BRWD1: variants seen among roughly 807,000 people sequenced by gnomAD.
The protein encoded by BRWD1 is bromodomain and WD repeat-containing protein 1.
In BRWD1, 82 loss-of-function variants were observed where a neutral mutation model predicts 251.2. That is an observed-to-expected ratio of 0.33 (90% confidence interval 0.27 to 0.39). BRWD1 has a LOEUF of 0.39. BRWD1 is among the 10% of genes least tolerant of loss of function. The probability of loss-of-function intolerance (pLI) is 1.00; values close to 1 mark genes in which losing one functional copy is unlikely to be tolerated. For missense variants in BRWD1, 2,233 were observed against 2,711.6 expected (o/e 0.82, Z 3.92); for synonymous variants, 918 against 902.8 (o/e 1.02, Z -0.30).
rs568327750 is a variant in BRWD1, at chr21:39,286,206, G to A, written c.832-5958C>T. Reference sequence around the variant, plus strand: ...ATGTTGTTTTTATATTATTAGTAGAGATGGGGTTTCACCATGTTAGCCAGG... The same window carrying A: ...ATGTTGTTTTTATATTATTAGTAGAAATGGGGTTTCACCATGTTAGCCAGG... On this transcript the variant is annotated intron_variant, in intron 8 of 40. Transcript: ENST00000342449. Among the ~76,000 whole-genome samples, 15 of 152,080 alleles carry A rather than the reference G, an allele frequency of 9.9e-5. No individual in the cohort carries two copies. The East Asian group carries it at 2.7e-3, about 28-fold the overall frequency.
At chr21:39,276,102 A>G (rs2035272338) in intron 12 of BRWD1, 71 bp downstream of exon 12, 5 of 1,281,568 alleles carry the variant, frequency 3.9e-6, no homozygotes, top group Admixed American at 4.7e-5. Context: ...ATGACAGGTT[A>G]GCTATACTAA....
intron 27 of BRWD1, among the ~76,000 whole-genome samples, chr21:39,226,243 T>C (rs904160696): frequency 2.6e-5 from 4 of 152,190 alleles, no homozygotes; most frequent in East Asian, 1.9e-4. Context: ...GGTAATCTTA[T>C]GTTAAGGCTT....
chr21:39,215,236 C>T lies in BRWD1; in HGVS notation c.3785+1G>A. On this transcript the variant is annotated splice_donor_variant, in intron 32 of 40. Transcript: ENST00000342449. LOFTEE classifies it high-confidence loss of function. Reference sequence around the variant, plus strand: ...TACACAACATCTATGAAATTACTTACTTGATAAATTTTAAAAGTTGGTCAG... The same window carrying T: ...TACACAACATCTATGAAATTACTTATTTGATAAATTTTAAAAGTTGGTCAG... 1 of 1,609,966 alleles carries T rather than the reference C, an allele frequency of 6.2e-7. No individual in the cohort carries two copies. The highest frequency in any genetic ancestry group is 8.5e-7 in the Non-Finnish European group (1 of 1,176,560).
In BRWD1 at chr21:39,188,025, A is replaced by G. The variant is rs1392395213; in HGVS notation, c.*8234T>C. On this transcript the variant is annotated 3_prime_UTR_variant, in exon 41 of 41. Transcript: ENST00000342449. The stretch of plus-strand genomic sequence containing the variant: ...AAGGCAGTTTTTAGAGGGGGCTTGA[A>G]ATCACACTGGAGCTCTACACAGCCA... The G allele has an allele frequency of 1.0e-6, 1 of 980,630 alleles. No individual in the cohort carries two copies. Among genetic ancestry groups the G allele is most frequent in the Non-Finnish European group, 1.2e-6 (1 of 828,070 alleles). The allele number at this position is 980,630 out of a possible 1,614,324, so 60.7% of individuals were successfully genotyped here.
intron 9 of BRWD1, 81 bp from the exon 10 acceptor site, chr21:39,278,894 A>G (rs1361751254): frequency 1.9e-6 from 2 of 1,050,352 alleles, no homozygotes; most frequent in Non-Finnish European, 2.7e-6. Flanking sequence ...TTAATCTAGC[A>G]TATTTAAATA....
chr21:39,195,060 G>A lies in BRWD1; in HGVS notation c.*1199C>T. ...TAGAAAATAAGTGTACTATTTGTGT[G>A]ATAAACTTTCACTTTAAATGGATTA... On this transcript the variant is annotated 3_prime_UTR_variant, in exon 41 of 41. Transcript: ENST00000342449. The A allele has an allele frequency of 7.8e-7, 1 of 1,277,622 alleles. No homozygotes were observed. The highest frequency in any genetic ancestry group is 9.9e-7 in the Non-Finnish European group (1 of 1,011,096). 79.1% of individuals were successfully genotyped at this position (1,277,622 alleles called of 1,614,324 possible). A position where few individuals can be genotyped will look rare whatever the true frequency, so the allele number is the denominator to read the frequency against.
At chr21:39,317,874 C>T (rs1311201956), upstream of BRWD1, among the ~76,000 whole-genome samples, 1 of 152,084 alleles carries the variant, frequency 6.6e-6, no homozygotes, top group Non-Finnish European at 1.5e-5. Context: ...CATAGTGAGA[C>T]CCTCTCTCTA....
At chr21:39,209,603 A>G (rs1257796194) in intron 36 of BRWD1, among the ~76,000 whole-genome samples, 1 of 152,160 alleles carries the variant, frequency 6.6e-6, no homozygotes, top group African/African-American at 2.4e-5. Context: ...CAGTCTCACA[A>G]TCAGATTTTC....
rs755144563 is a variant in BRWD1 at position 39,186,989 on chromosome 21, A to T, written c.*9270T>A. 3.3e-6 allele frequency: 5 copies of T among 1,520,716 alleles called. No homozygotes were observed. In the Middle Eastern group the frequency reaches 1.2e-3, roughly 380 times the overall value. The allele number at this position is 1,520,716 out of a possible 1,614,324, so 94.2% of individuals were successfully genotyped here. A position where few individuals can be genotyped will look rare whatever the true frequency, so the allele number is the denominator to read the frequency against. On this transcript the variant is annotated 3_prime_UTR_variant, in exon 41 of 41. Coordinates refer to ENST00000342449, the MANE Select transcript of BRWD1 (RefSeq NM_033656.4). ...TAACTGCCAGTTTACTTGTGTACCA[A>T]TTGTTTTCAGATGCCACTTCTACAT...
chr21:39,195,966 C>T lies in BRWD1; in HGVS notation c.*293G>A. 1.9e-6 allele frequency: 2 copies of T among 1,059,342 alleles called. No individual in the cohort carries two copies. The highest frequency in any genetic ancestry group is 2.3e-6 in the Non-Finnish European group (2 of 879,018). 65.6% of individuals were successfully genotyped at this position (1,059,342 alleles called of 1,614,324 possible). On this transcript the variant is annotated 3_prime_UTR_variant, in exon 41 of 41. Coordinates refer to ENST00000342449, the MANE Select transcript of BRWD1 (RefSeq NM_033656.4). ...AAGTAATGCTCATTGGTTTTGATAACCAGGATGTCTAGTGTTTAACATATT... is the reference window on the plus strand; with the variant it reads ...AAGTAATGCTCATTGGTTTTGATAATCAGGATGTCTAGTGTTTAACATATT...
rs1444781773 is a variant in BRWD1 at position 39,297,232 on chromosome 21, A to G, written c.350-869T>C. ...ATAACTCAAAGAAGAAAGGGAAGGC[A>G]TCATACTAAACCTCTACTGAGCCTC... On this transcript the variant is annotated intron_variant, in intron 5 of 40. Transcript: ENST00000342449. The G allele has an allele frequency of 6.1e-6, 6 of 985,358 alleles. No homozygotes were observed. In the African/African-American group the frequency reaches 1.0e-4, roughly 17 times the overall value. 61.0% of individuals were successfully genotyped at this position (985,358 alleles called of 1,614,324 possible). A position where few individuals can be genotyped will look rare whatever the true frequency, so the allele number is the denominator to read the frequency against.
intron 35 of BRWD1, among the ~76,000 whole-genome samples, chr21:39,210,556 G>A (rs1237420746): frequency 6.6e-6 from 1 of 152,158 alleles, no homozygotes; most frequent in African/African-American, 2.4e-5. Context: ...CCATCCCACT[G>A]TTATGTAATA....
chr21:39,199,586 ATTG>A lies in BRWD1; in HGVS notation c.4827_4829del (p.Asn1610del). 6.2e-7 allele frequency: 1 copy of A among 1,614,106 alleles called. No homozygotes were observed. The highest frequency in any genetic ancestry group is 1.6e-4 in the Middle Eastern group (1 of 6,062). On this transcript the variant is annotated inframe_deletion, in exon 40 of 41. Coordinates refer to ENST00000342449, the MANE Select transcript of BRWD1 (RefSeq NM_033656.4). ...TTAGAATTTCACCAGTCTCCAATGA[ATTG>A]TTATCAGAATCACTTAAATAGACTC...
At chr21:39,299,938 T>C (rs1441723730) in intron 4 of BRWD1, among the ~76,000 whole-genome samples, 1 of 151,788 alleles carries the variant, frequency 6.6e-6, no homozygotes, top group Non-Finnish European at 1.5e-5. Flanking sequence ...ACCAAGATCA[T>C]GCTATAGCAC....
intron 29 of BRWD1, among the ~76,000 whole-genome samples, chr21:39,219,052 A>AG (rs397777619): frequency 2.0e-5 from 3 of 151,470 alleles, no homozygotes; most frequent in Non-Finnish European, 4.4e-5. Flanking sequence ...AAATGGATAA[A>AG]TAATCCCACA....
At chr21:39,276,344 G>A (rs1213154017) in intron 11 of BRWD1, 131 bp from the exon 12 acceptor site, 2 of 530,788 alleles carry the variant, frequency 3.8e-6, no homozygotes, top group East Asian at 3.2e-5. Context: ...GCTTAGCCCT[G>A]TCATTCAACA....
chr21:39,212,804 C>T, intron 33 of BRWD1, 97 bp from the exon 34 acceptor site: 1 of 850,750 alleles, frequency 1.2e-6, no homozygotes, highest in Non-Finnish European at 1.8e-6. Context: ...TTTGGTATTA[C>T]CAGAGTTATA....
intron 34 of BRWD1, among the ~76,000 whole-genome samples, chr21:39,211,368 T>C (rs978743318): frequency 6.6e-6 from 1 of 152,224 alleles, no homozygotes; most frequent in African/African-American, 2.4e-5. Flanking sequence ...GGTATAGACC[T>C]TGAGATGAAA....
intron 15 of BRWD1, among the ~76,000 whole-genome samples, chr21:39,265,660 GATA>G (rs1159275252): frequency 2.0e-5 from 3 of 152,094 alleles, no homozygotes; most frequent in Non-Finnish European, 4.4e-5. Context: ...ATAATAAAAG[GATA>G]ATAAGCTACA....
Sources: gnomAD v4.1 joint callset for allele counts (sites outside exome capture counted in the v4.1 genomes callset) on GRCh38, gnomAD v4.1.1 for gene constraint, MANE v1.5 for transcripts, NCBI Gene and HGNC (gene_info 2026-07-23, HGNC 2026-07-21) for gene names.